The following ESRRG variants were observed in gnomAD, a reference collection of about 807,000 sequenced individuals.
ESRRG encodes estrogen related receptor gamma.
ESRRG carries 13 observed loss-of-function variants against 44.0 expected under a neutral mutation model. That is an observed-to-expected ratio of 0.30 (90% confidence interval 0.19 to 0.47). The LOEUF is 0.47. ESRRG is among the 20% of genes least tolerant of loss of function. ESRRG has a pLI of 1.00. For missense variants in ESRRG, 395 were observed against 580.6 expected (o/e 0.68, Z 3.29); for synonymous variants, 215 against 214.6 (o/e 1.00, Z -0.02).
intron 2 of ESRRG, among the ~76,000 whole-genome samples, chr1:216,898,873 T>C: frequency 6.6e-6 from 1 of 152,156 alleles, no homozygotes; most frequent in East Asian, 1.9e-4. Context: ...GGGATACATT[T>C]TCTTCTACTG....
chr1:216,589,988 A>G (rs2057383231), intron 3 of ESRRG, among the ~76,000 whole-genome samples: 1 of 151,494 alleles, frequency 6.6e-6, no homozygotes, highest in Non-Finnish European at 1.5e-5. Context: ...AAAAATATAT[A>G]TAACAGCAAT....
chr1:216,621,679 C>T (rs2062261983), intron 3 of ESRRG, among the ~76,000 whole-genome samples: 1 of 152,184 alleles, frequency 6.6e-6, no homozygotes, highest in Admixed American at 6.5e-5. Context: ...TCTCCAAAGT[C>T]ATCTTGGCTT....
At chr1:216,951,888 T>TGC (rs1195175953) in intron 1 of ESRRG, among the ~76,000 whole-genome samples, 2 of 146,744 alleles carry the variant, frequency 1.4e-5, no homozygotes, top group Admixed American at 1.4e-4. Flanking sequence ...TACATATGTT[T>TGC]GCATATATAT....
intron 2 of ESRRG, among the ~76,000 whole-genome samples, chr1:216,746,264 C>A (rs954661023): frequency 6.6e-6 from 1 of 152,102 alleles, no homozygotes; most frequent in African/African-American, 2.4e-5. Context: ...CTATCTGCTG[C>A]CAGGGTCTGA....
intron 3 of ESRRG, among the ~76,000 whole-genome samples, chr1:216,620,557 T>C (rs1030864960): frequency 3.3e-5 from 5 of 152,188 alleles, no homozygotes; most frequent in Admixed American, 2.6e-4. Context: ...ATTGTGACAA[T>C]AAGCATGCAC....
intron 1 of ESRRG, among the ~76,000 whole-genome samples, chr1:216,983,908 A>G (rs1161917931): frequency 6.6e-6 from 1 of 152,102 alleles, no homozygotes; most frequent in African/African-American, 2.4e-5. Context: ...CTAAATGGAT[A>G]TCTCCTCCAT....
rs767510877 is a variant in ESRRG, at chr1:216,677,308, G to A, written c.240C>T (p.Asp80=). 5.0e-5 allele frequency: 80 copies of A among 1,614,064 alleles called. No homozygotes were observed. The highest frequency in any genetic ancestry group is 6.2e-5 in the Non-Finnish European group (73 of 1,180,036). ...GAGCAGAAGGGTAGAGAGGTGGCGA[G>A]TCAAGTCCGTTCTGATGGCCATTCA... is the stretch of plus-strand genomic sequence containing the variant. The part of the protein sequence containing the change: ...STMNGHQNGL[D]SPPLYPSAPI... The change falls in exon 2 of 7, where the codon GAC becomes GAT. Residue 80 remains aspartate (D), a synonymous_variant. Coordinates refer to ENST00000408911, the MANE Select transcript of ESRRG (RefSeq NM_001438.4).
chr1:216,892,262 T>A (rs1464388080), intron 2 of ESRRG, among the ~76,000 whole-genome samples: 7 of 152,216 alleles, frequency 4.6e-5, no homozygotes, highest in African/African-American at 9.6e-5. Context: ...TCTTAGAATA[T>A]GATACTTTAG....
chr1:216,622,328 G>T (rs1054072194), intron 3 of ESRRG, among the ~76,000 whole-genome samples: 2 of 152,104 alleles, frequency 1.3e-5, no homozygotes, highest in African/African-American at 4.8e-5. Flanking sequence ...AAACACTCTG[G>T]TCATCTTAAA....
chr1:216,593,085 A>G (rs988839898), intron 3 of ESRRG, among the ~76,000 whole-genome samples: 2 of 152,230 alleles, frequency 1.3e-5, no homozygotes, highest in Non-Finnish European at 2.9e-5. Flanking sequence ...TATCAAAAAG[A>G]AGAAGAAATC....
At chr1:217,060,064 G>A (rs1370162278) in intron 1 of ESRRG, among the ~76,000 whole-genome samples, 3 of 151,738 alleles carry the variant, frequency 2.0e-5, no homozygotes, top group African/African-American at 7.3e-5. Flanking sequence ...TTTTGGGGGT[G>A]GCAAAAATTC....
intron 1 of ESRRG, among the ~76,000 whole-genome samples, chr1:216,991,479 G>A (rs1466293396): frequency 1.3e-5 from 2 of 152,138 alleles, no homozygotes; most frequent in Non-Finnish European, 2.9e-5. Context: ...ATGAACAGAC[G>A]AACAAGATAA....
intron 1 of ESRRG, among the ~76,000 whole-genome samples, chr1:216,950,827 A>T (rs191163800): frequency 8.5e-4 from 130 of 152,278 alleles, no homozygotes; most frequent in African/African-American, 1.1e-3. Flanking sequence ...TCTTATTTTT[A>T]AAAAAATATA....
intron 1 of ESRRG, among the ~76,000 whole-genome samples, chr1:217,049,951 C>A (rs2085603579): frequency 6.6e-6 from 1 of 152,200 alleles, no homozygotes; most frequent in Non-Finnish European, 1.5e-5. Context: ...TGCCATCATT[C>A]TGCATAAGCA....
intron 2 of ESRRG, among the ~76,000 whole-genome samples, chr1:216,740,208 G>A (rs2090493947): frequency 1.3e-5 from 2 of 152,110 alleles, no homozygotes; most frequent in African/African-American, 4.8e-5. Context: ...CAATGAAAAG[G>A]CTAAATCAGT....
At chr1:216,892,433 T>G (rs564467308) in intron 2 of ESRRG, among the ~76,000 whole-genome samples, 1 of 152,278 alleles carries the variant, frequency 6.6e-6, no homozygotes, top group African/African-American at 2.4e-5. Flanking sequence ...CCTACAGCGT[T>G]TATATACTAC....
chr1:216,521,215 A>G (rs1382135750), intron 5 of ESRRG, among the ~76,000 whole-genome samples: 2 of 152,166 alleles, frequency 1.3e-5, no homozygotes, highest in African/African-American at 2.4e-5. Flanking sequence ...TCTTAGAGAT[A>G]TAATAGCTGA....
rs1409737886 is a variant in ESRRG, at chr1:216,902,259, C to T, written c.-14+37323G>A. ...ATCCCAGCACTTTGGGACGCTGAGG[C>T]GGGCAGATCACCTGAGGTCAGGAGT... On this transcript the variant is annotated intron_variant, in intron 2 of 7. Transcript: ENST00000359162. 3.9e-5 allele frequency among the ~76,000 whole-genome samples: 6 copies of T among 152,116 alleles called. 1 individual carries two copies. In the South Asian group the frequency reaches 6.2e-4, roughly 16 times the overall value.
chr1:216,854,806 T>C (rs1281836266), intron 2 of ESRRG, among the ~76,000 whole-genome samples: 13 of 144,058 alleles, frequency 9.0e-5, no homozygotes, highest in Non-Finnish European at 4.5e-5. Context: ...ACAGTGAAAT[T>C]GTAAACTCCC....
Sources: allele counts gnomAD v4.1 joint callset (sites outside exome capture counted in the v4.1 genomes callset), GRCh38; gene constraint gnomAD v4.1.1; transcripts MANE v1.5; gene names NCBI Gene and HGNC (gene_info 2026-07-23, HGNC 2026-07-21).